Variants in JMJD1C observed in about 807,000 individuals in gnomAD.
JMJD1C encodes the protein jumonji domain-containing protein 1C.
Under a neutral mutation model 245.3 loss-of-function variants are expected in JMJD1C, and 31 were observed. The observed-to-expected ratio is 0.13, with a 90% CI of 0.09 to 0.17. The LOEUF (loss-of-function observed/expected upper bound fraction) is 0.17, where lower values mean the gene tolerates loss of function less well. Ranked by LOEUF, JMJD1C falls within the 10% of genes least tolerant of loss-of-function variation. The pLI, the probability that JMJD1C is intolerant of heterozygous loss-of-function variation, is 1.00. For missense variants in JMJD1C, 2,691 were observed against 3,000.2 expected, an observed-to-expected ratio of 0.90 and a Z score of 2.41; for synonymous variants, 1,057 against 1,017.4, an observed-to-expected ratio of 1.04 and a Z score of -0.74.
intron 1 of JMJD1C, among the ~76,000 whole-genome samples, chr10:63,386,958 A>G (rs1350637583): frequency 6.6e-6 from 1 of 152,192 alleles, no homozygotes; most frequent in Non-Finnish European, 1.5e-5. Context: ...AAAGGAGCCC[A>G]AAGTGGCCCA....
chr10:63,266,032 C>T (rs570286431), intron 2 of JMJD1C, among the ~76,000 whole-genome samples: 27 of 151,950 alleles, frequency 1.8e-4, no homozygotes, highest in Non-Finnish European at 3.2e-4. Context: ...CAGGTTGACT[C>T]ACTGCAATCT....
chr10:63,325,172 T>C (rs1941364625), intron 2 of JMJD1C, among the ~76,000 whole-genome samples: 1 of 152,220 alleles, frequency 6.6e-6, no homozygotes, highest in Non-Finnish European at 1.5e-5. Flanking sequence ...ATGATAATTA[T>C]TAGCTGTTAA....
chr10:63,204,176 A>G lies in JMJD1C; in HGVS notation c.5074+2419T>C, dbSNP rs903394284. On this transcript the variant is annotated intron_variant, in intron 10 of 25. Coordinates refer to ENST00000399262, the MANE Select transcript of JMJD1C (RefSeq NM_032776.3). ...TTTCTAGGTAGCCTAGAACAAAAGCAAGTCAACTCTGTCCACAATTAATAG... is the reference window on the plus strand; with the variant it reads ...TTTCTAGGTAGCCTAGAACAAAAGCGAGTCAACTCTGTCCACAATTAATAG... 4 of 985,192 alleles carry G rather than the reference A, an allele frequency of 4.1e-6. No individual in the cohort carries two copies. In the African/African-American group the frequency reaches 7.0e-5, roughly 17 times the overall value. 61.0% of individuals were successfully genotyped at this position (985,192 alleles called of 1,614,324 possible). A position where few individuals can be genotyped will look rare whatever the true frequency, so the allele number is the denominator to read the frequency against.
intron 1 of JMJD1C, among the ~76,000 whole-genome samples, chr10:63,461,585 C>T (rs1352007276): frequency 1.3e-5 from 2 of 152,132 alleles, no homozygotes; most frequent in African/African-American, 4.8e-5. Context: ...TGCAAAATAA[C>T]ATCAGCTGAT....
chr10:63,170,374 T>C (rs778548744), intron 24 of JMJD1C, among the ~76,000 whole-genome samples: 1 of 152,186 alleles, frequency 6.6e-6, no homozygotes, highest in Non-Finnish European at 1.5e-5. Context: ...TGGGTAATCA[T>C]ATTCTCTCCC....
intron 2 of JMJD1C, among the ~76,000 whole-genome samples, chr10:63,283,635 G>A (rs1384412987): frequency 1.3e-5 from 2 of 152,144 alleles, no homozygotes; most frequent in African/African-American, 4.8e-5. Context: ...CCGAAGGGCT[G>A]GGATTACAGG....
At chr10:63,383,456 T>C (rs540556620) in intron 1 of JMJD1C, among the ~76,000 whole-genome samples, 5 of 152,114 alleles carry the variant, frequency 3.3e-5, no homozygotes, top group Non-Finnish European at 7.4e-5. Context: ...CCCACCACTT[T>C]GGGAGACACA....
Position 63,207,822 on chromosome 10 carries a change from T to C in JMJD1C, c.3847A>G (p.Ser1283Gly). ...ACATGCCATTCAGTTTTCTCTTTGC[T>C]GAGGTTATTATTAGGTCTCCACATC... is the stretch of plus-strand genomic sequence containing the variant. ...TEMWRPNNNLSKEKTEWHVEK... is the reference protein window; with the variant it reads ...TEMWRPNNNLGKEKTEWHVEK... The change falls in exon 10 of 26, where the codon AGC (serine) becomes GGC (glycine). Residue 1283 changes from serine to glycine, a missense_variant. This residue lies in a region of JMJD1C where 1,562 missense variants were observed against 1,490.7 expected (regional missense o/e 1.05). Coordinates refer to ENST00000399262, the MANE Select transcript of JMJD1C (RefSeq NM_032776.3). 1 of 1,614,192 alleles carries C rather than the reference T, an allele frequency of 6.2e-7. No homozygotes were observed. Among genetic ancestry groups the C allele is most frequent in the South Asian group, 1.1e-5 (1 of 91,088 alleles).
intron 15 of JMJD1C, 32 bp downstream of exon 15, chr10:63,193,313 T>A: frequency 6.4e-7 from 1 of 1,561,736 alleles, no homozygotes. Context: ...TAACCACAGA[T>A]TTTATTTGAA....
chr10:63,483,809 G>A (rs1211868937), intron 1 of JMJD1C, among the ~76,000 whole-genome samples: 1 of 152,066 alleles, frequency 6.6e-6, no homozygotes, highest in Non-Finnish European at 1.5e-5. Flanking sequence ...TTTTAACTGT[G>A]ATTCATTTTT....
chr10:63,406,174 T>TA (rs1949158613), intron 1 of JMJD1C, among the ~76,000 whole-genome samples: 1 of 152,048 alleles, frequency 6.6e-6, no homozygotes, highest in Non-Finnish European at 1.5e-5. Context: ...GAGAATTGAA[T>TA]AAAAAACTGG....
At chr10:63,490,423 T>A (rs982699778) in intron 1 of JMJD1C, among the ~76,000 whole-genome samples, 4 of 76,248 alleles carry the variant, frequency 5.2e-5, no homozygotes, top group South Asian at 4.4e-4. Flanking sequence ...ATTTATTTTA[T>A]TTTTTTTTTT....
intron 1 of JMJD1C, among the ~76,000 whole-genome samples, chr10:63,505,506 C>G (rs563030018): frequency 1.4e-4 from 21 of 152,110 alleles, no homozygotes; most frequent in African/African-American, 4.6e-4. Flanking sequence ...GGATTGGAAG[C>G]TTCATAGCAG....
At chr10:63,231,754 A>G (rs1265366392) in intron 3 of JMJD1C, among the ~76,000 whole-genome samples, 1 of 152,188 alleles carries the variant, frequency 6.6e-6, no homozygotes, top group Non-Finnish European at 1.5e-5. Context: ...ATATTGTGCC[A>G]TTGTATTCCA....
intron 8 of JMJD1C, among the ~76,000 whole-genome samples, chr10:63,212,678 A>G (rs938357294): frequency 6.6e-6 from 1 of 152,136 alleles, no homozygotes; most frequent in Non-Finnish European, 1.5e-5. Flanking sequence ...ACACTGTACT[A>G]TACCATTAAT....
intron 3 of JMJD1C, among the ~76,000 whole-genome samples, chr10:63,258,583 T>C (rs1854284151): frequency 6.6e-6 from 1 of 152,200 alleles, no homozygotes; most frequent in Non-Finnish European, 1.5e-5. Context: ...CTGTTCCTCC[T>C]GGCAAATGTC....
At chr10:63,411,226 G>A (rs1178277729) in intron 1 of JMJD1C, among the ~76,000 whole-genome samples, 1 of 152,028 alleles carries the variant, frequency 6.6e-6, no homozygotes, top group African/African-American at 2.4e-5. Flanking sequence ...ACTGGGTAGA[G>A]GTACCAGGTT....
chr10:63,278,705 G>A (rs1857072129), intron 2 of JMJD1C, among the ~76,000 whole-genome samples: 1 of 150,374 alleles, frequency 6.7e-6, no homozygotes, highest in African/African-American at 2.5e-5. Flanking sequence ...CAGGCATGGT[G>A]ACACATGCCT....
At chr10:63,254,412 G>T (rs1223129214) in intron 3 of JMJD1C, among the ~76,000 whole-genome samples, 2 of 152,234 alleles carry the variant, frequency 1.3e-5, no homozygotes, top group East Asian at 3.9e-4. Context: ...ATTTAGGAAA[G>T]ATATTAACTA....
Sources: allele counts gnomAD v4.1 joint callset (sites outside exome capture counted in the v4.1 genomes callset), GRCh38; gene constraint gnomAD v4.1.1; regional missense constraint gnomAD v4.1.1; transcripts MANE v1.5; gene names NCBI Gene and HGNC (gene_info 2026-07-23, HGNC 2026-07-21).